The following GRIP1 variants were observed in gnomAD, a reference collection of about 807,000 sequenced individuals.
GRIP1 encodes the protein glutamate receptor-interacting protein 1.
A neutral mutation model predicts 129.9 loss-of-function variants in GRIP1; 45 were observed. The ratio of observed to expected loss-of-function variants is 0.35; its 90% confidence interval spans 0.27 to 0.44. The LOEUF (loss-of-function observed/expected upper bound fraction) is 0.44. Ranked by LOEUF, GRIP1 falls within the 20% of genes least tolerant of loss-of-function variation. The probability of loss-of-function intolerance (pLI) is 1.00; values close to 1 mark genes in which losing one functional copy is unlikely to be tolerated. For synonymous variants in GRIP1, 530 were observed against 520.8 expected (o/e 1.02, Z -0.24); for missense variants, 1,196 against 1,396.8 (o/e 0.86, Z 2.29).
chr12:66,532,373 A>G (rs1279158391), intron 4 of GRIP1, among the ~76,000 whole-genome samples: 1 of 152,148 alleles, frequency 6.6e-6, no homozygotes, highest in Non-Finnish European at 1.5e-5. Context: ...CCAAATTCAC[A>G]ATGCAAAAAT....
chr12:66,588,988 T>TAAA (rs1565890387), intron 2 of GRIP1, among the ~76,000 whole-genome samples: 16 of 145,848 alleles, frequency 1.1e-4, no homozygotes, highest in East Asian at 8.1e-4. Context: ...AAAAAAAAAA[T>TAAA]TAAATAAATA....
intron 1 of GRIP1, among the ~76,000 whole-genome samples, chr12:66,773,581 T>C (rs2037888727): frequency 1.3e-5 from 2 of 152,056 alleles, no homozygotes; most frequent in Non-Finnish European, 2.9e-5. Context: ...AGGGGAGTGA[T>C]AGCATTAGGA....
chr12:66,808,250 C>T (rs2136942745), upstream of GRIP1, among the ~76,000 whole-genome samples: 1 of 152,166 alleles, frequency 6.6e-6, no homozygotes, highest in East Asian at 1.9e-4. Context: ...CCCACAAATA[C>T]ATTTTGTTTG....
At chr12:66,612,626 C>A (rs1436109949) in intron 1 of GRIP1, among the ~76,000 whole-genome samples, 3 of 151,664 alleles carry the variant, frequency 2.0e-5, no homozygotes, top group Non-Finnish European at 1.5e-5. Flanking sequence ...CAGAGTGAGA[C>A]CCTGTTCAAA....
chr12:66,472,948 A>T (rs950775571), intron 7 of GRIP1, among the ~76,000 whole-genome samples: 54 of 152,006 alleles, frequency 3.6e-4, no homozygotes, highest in African/African-American at 1.0e-3. Context: ...TTCATACCCC[A>T]GTGGTGCCTG....
intron 16 of GRIP1, among the ~76,000 whole-genome samples, chr12:66,395,223 T>C (rs1347811951): frequency 6.6e-6 from 1 of 152,206 alleles, no homozygotes; most frequent in Admixed American, 6.5e-5. Context: ...AGTCTCAGAA[T>C]TCAAAGGTTT....
At chr12:66,729,864 G>A (rs899940718) in intron 1 of GRIP1, among the ~76,000 whole-genome samples, 7 of 152,068 alleles carry the variant, frequency 4.6e-5, no homozygotes, top group African/African-American at 7.2e-5. Flanking sequence ...GTGAGCCACC[G>A]CACCCAGCCC....
At chr12:66,769,757 A>T (rs1385584291) in intron 1 of GRIP1, among the ~76,000 whole-genome samples, 1 of 152,122 alleles carries the variant, frequency 6.6e-6, no homozygotes, top group East Asian at 1.9e-4. Context: ...AATATTTGTA[A>T]TGTCTTTTTG....
At chr12:67,015,555 T>G (rs1173553403) in intron 1 of GRIP1, among the ~76,000 whole-genome samples, 3 of 152,268 alleles carry the variant, frequency 2.0e-5, no homozygotes, top group African/African-American at 7.2e-5. Flanking sequence ...CTAAAAAGAC[T>G]TCTGACAGGA....
chr12:66,803,875 T>TG, intron 1 of GRIP1: 1 of 308,692 alleles, frequency 3.2e-6, no homozygotes, highest in Admixed American at 3.9e-5. Flanking sequence ...CTAGATGCTA[T>TG]TATCTAATGG....
At chr12:67,042,978 T>A (rs187064486) in intron 1 of GRIP1, among the ~76,000 whole-genome samples, 19 of 152,228 alleles carry the variant, frequency 1.2e-4, no homozygotes, top group Admixed American at 9.2e-4. Flanking sequence ...ATAGCACAAT[T>A]TGGAATGACA....
chr12:66,597,408 G>A (rs946500943), intron 1 of GRIP1, among the ~76,000 whole-genome samples: 12 of 152,178 alleles, frequency 7.9e-5, no homozygotes, highest in African/African-American at 2.9e-4. Flanking sequence ...AGTTAGTATT[G>A]CAAGGGAAAT....
At chr12:66,734,066 C>T (rs2036521890) in intron 1 of GRIP1, among the ~76,000 whole-genome samples, 1 of 152,136 alleles carries the variant, frequency 6.6e-6, no homozygotes, top group Non-Finnish European at 1.5e-5. Context: ...CAGCAGGAAT[C>T]AAAGTTGCTT....
At chr12:66,867,618 T>C (rs1047501060) in intron 1 of GRIP1, among the ~76,000 whole-genome samples, 10 of 152,154 alleles carry the variant, frequency 6.6e-5, no homozygotes, top group African/African-American at 2.4e-4. Context: ...ATCTAATATA[T>C]AATAAAAACA....
intron 1 of GRIP1, among the ~76,000 whole-genome samples, chr12:67,054,554 A>G (rs1482440350): frequency 6.6e-6 from 1 of 152,182 alleles, no homozygotes; most frequent in Non-Finnish European, 1.5e-5. Context: ...ATCTCAGGCC[A>G]GCAGTTCAAG....
At chr12:66,400,303 A>C (rs2056938622) in intron 16 of GRIP1, among the ~76,000 whole-genome samples, 1 of 149,752 alleles carries the variant, frequency 6.7e-6, no homozygotes, top group South Asian at 2.1e-4. Flanking sequence ...AGCATGCAAA[A>C]AAGAGAAAAG....
intron 2 of GRIP1, among the ~76,000 whole-genome samples, chr12:66,573,851 G>A (rs1448089432): frequency 1.3e-5 from 2 of 152,134 alleles, no homozygotes; most frequent in Admixed American, 1.3e-4. Flanking sequence ...GTATTCACCA[G>A]CCAAACGAGA....
At chr12:66,440,706 A>G (rs375360800) in intron 13 of GRIP1, among the ~76,000 whole-genome samples, 136 of 152,214 alleles carry the variant, frequency 8.9e-4, no homozygotes, top group African/African-American at 2.6e-3. Context: ...TCAGGCCCCA[A>G]ACATGCTCAA....
At chr12:66,746,489 C>A (rs1371056634) in intron 1 of GRIP1, among the ~76,000 whole-genome samples, 1 of 152,124 alleles carries the variant, frequency 6.6e-6, no homozygotes, top group Non-Finnish European at 1.5e-5. Context: ...TTGAGAGGCA[C>A]CTTTTTATAG....
Sources: gnomAD v4.1 joint callset for allele counts (sites outside exome capture counted in the v4.1 genomes callset) on GRCh38, gnomAD v4.1.1 for gene constraint, MANE v1.5 for transcripts, NCBI Gene and HGNC (gene_info 2026-07-23, HGNC 2026-07-21) for gene names.